NCALD: variants seen among roughly 807,000 people sequenced by gnomAD.
The protein encoded by NCALD is neurocalcin-delta.
A neutral mutation model predicts 18.6 loss-of-function variants in NCALD; 10 were observed. That is an observed-to-expected ratio of 0.54 (90% confidence interval 0.33 to 0.91). The LOEUF (loss-of-function observed/expected upper bound fraction) is 0.91. Ranked by LOEUF, NCALD falls within the 40% of genes least tolerant of loss-of-function variation. The pLI, the probability that NCALD is intolerant of heterozygous loss-of-function variation, is 0.03. For missense variants in NCALD, 184 were observed against 247.6 expected, an observed-to-expected ratio of 0.74 and a Z score of 1.72; for synonymous variants, 88 against 87.4, an observed-to-expected ratio of 1.01 and a Z score of -0.04.
intron 4 of NCALD, among the ~76,000 whole-genome samples, chr8:101,808,365 A>T (rs187520013): frequency 6.6e-6 from 1 of 152,166 alleles, no homozygotes; most frequent in Non-Finnish European, 1.5e-5. Flanking sequence ...AAACTTTACT[A>T]TAAGATTTAA....
intron 1 of NCALD, among the ~76,000 whole-genome samples, chr8:101,743,031 C>T (rs7812876): frequency 0.65 from 98,787 of 152,068 alleles, 33,773 homozygotes; most frequent in Non-Finnish European, 0.76. Context: ...TACAAGGATT[C>T]TAAATATATA....
At chr8:101,966,992 C>T (rs987636197) in intron 2 of NCALD, among the ~76,000 whole-genome samples, 6 of 152,084 alleles carry the variant, frequency 3.9e-5, no homozygotes, top group African/African-American at 1.2e-4. Context: ...ATTCATGATG[C>T]TAATTTTAGA....
Position 101,866,597 on chromosome 8 carries a change from T to C in NCALD, c.-20+20544A>G, listed in dbSNP as rs367920240. Among the ~76,000 whole-genome samples, 15 of 152,322 alleles carry C rather than the reference T, an allele frequency of 9.8e-5. No individual in the cohort carries two copies. The East Asian group carries it at 2.9e-3, about 29-fold the overall frequency. On this transcript the variant is annotated intron_variant, in intron 4 of 6. Coordinates refer to the NCALD transcript ENST00000311028. ...GTCATTCCTATTCTCATAACGGCAA[T>C]TCCATTCTGGTTGTTTAAACCAAAA...
At chr8:101,830,433 T>A (rs1166199699) in intron 4 of NCALD, among the ~76,000 whole-genome samples, 2 of 151,890 alleles carry the variant, frequency 1.3e-5, no homozygotes, top group Admixed American at 1.3e-4. Context: ...TAGTGGTGCA[T>A]GCCTGTCATC....
intron 4 of NCALD, among the ~76,000 whole-genome samples, chr8:101,873,657 C>G (rs1025344317): frequency 6.6e-6 from 1 of 152,026 alleles, no homozygotes; most frequent in African/African-American, 2.4e-5. Flanking sequence ...TGACAAAAGC[C>G]TGGGAAATGC....
chr8:101,720,852 T>G (rs1816319254), intron 1 of NCALD, among the ~76,000 whole-genome samples: 1 of 152,226 alleles, frequency 6.6e-6, no homozygotes, highest in Admixed American at 6.5e-5. Context: ...TACCAGTGTG[T>G]TTCTGGTTCT....
chr8:101,758,310 C>T (rs538272250), intron 1 of NCALD, among the ~76,000 whole-genome samples: 1 of 152,278 alleles, frequency 6.6e-6, no homozygotes, highest in South Asian at 2.1e-4. Context: ...CAGCTCTCCC[C>T]CTCCATAGGC....
At chr8:101,851,237 AG>A (rs1419621142) in intron 4 of NCALD, among the ~76,000 whole-genome samples, 1 of 152,134 alleles carries the variant, frequency 6.6e-6, no homozygotes, top group Non-Finnish European at 1.5e-5. Flanking sequence ...GAAGAAAGGG[AG>A]TGAGGGAGAA....
Position 101,797,637 on chromosome 8 carries a change from G to T in NCALD, c.-19-77989C>A, listed in dbSNP as rs914859437. The stretch of plus-strand genomic sequence containing the variant: ...TTGAGACCATCCTGGCCAACATGGT[G>T]AAACACTGTCTTTACTAAAAATACA... On this transcript the variant is annotated intron_variant, in intron 4 of 6. Coordinates refer to the NCALD transcript ENST00000311028. Among the ~76,000 whole-genome samples the T allele has an allele frequency of 2.0e-5, 3 of 152,112 alleles. No individual in the cohort carries two copies. In the South Asian group the frequency reaches 6.2e-4, roughly 32 times the overall value.
At chr8:101,720,596 A>G (rs934914517) in intron 1 of NCALD, among the ~76,000 whole-genome samples, 1 of 152,310 alleles carries the variant, frequency 6.6e-6, no homozygotes. Context: ...TAAACTTAAC[A>G]TGGTGTGGAA....
intron 1 of NCALD, among the ~76,000 whole-genome samples, chr8:102,123,491 G>T (rs1468699523): frequency 2.0e-5 from 3 of 149,134 alleles, no homozygotes; most frequent in African/African-American, 7.4e-5. Context: ...TGTATTTCCT[G>T]CGGACAGGGA....
intron 4 of NCALD, among the ~76,000 whole-genome samples, chr8:101,817,055 A>G (rs571921838): frequency 6.6e-6 from 1 of 152,188 alleles, no homozygotes; most frequent in Non-Finnish European, 1.5e-5. Context: ...AGCCCAGAAG[A>G]TGATATTTTC....
At chr8:102,043,212 C>T (rs771858163) in intron 1 of NCALD, among the ~76,000 whole-genome samples, 8 of 152,160 alleles carry the variant, frequency 5.3e-5, no homozygotes, top group Non-Finnish European at 1.2e-4. Context: ...TCATGCAGGG[C>T]TCATGTGTGT....
intron 4 of NCALD, among the ~76,000 whole-genome samples, chr8:101,851,856 T>C (rs951507754): frequency 4.6e-5 from 7 of 152,304 alleles, no homozygotes; most frequent in African/African-American, 1.4e-4. Context: ...TATGTTAAAC[T>C]CTAATTTCCA....
intron 1 of NCALD, among the ~76,000 whole-genome samples, chr8:102,039,492 T>C (rs891198250): frequency 3.9e-5 from 6 of 152,158 alleles, no homozygotes; most frequent in African/African-American, 1.2e-4. Flanking sequence ...TATTTAACTT[T>C]CATATACAAT....
chr8:101,835,602 C>T (rs1814379004), intron 4 of NCALD, among the ~76,000 whole-genome samples: 1 of 152,188 alleles, frequency 6.6e-6, no homozygotes, highest in African/African-American at 2.4e-5. Flanking sequence ...CTGAGGAATG[C>T]TGCATGGGAG....
At chr8:102,005,211 G>A (rs1167854759) in intron 2 of NCALD, among the ~76,000 whole-genome samples, 2 of 152,194 alleles carry the variant, frequency 1.3e-5, no homozygotes, top group Admixed American at 1.3e-4. Context: ...CAACAAGTGG[G>A]CGAAGGATAT....
intron 2 of NCALD, among the ~76,000 whole-genome samples, chr8:101,979,959 A>ATG (rs1314160253): frequency 6.6e-6 from 1 of 152,136 alleles, no homozygotes; most frequent in Non-Finnish European, 1.5e-5. Flanking sequence ...GAGGGGCCTC[A>ATG]TGAGCTCACT....
intron 4 of NCALD, among the ~76,000 whole-genome samples, chr8:101,834,297 G>T (rs544751433): frequency 2.6e-5 from 4 of 152,328 alleles, no homozygotes; most frequent in African/African-American, 9.6e-5. Context: ...CCCTGCTGGG[G>T]CTGGCCTCAC....
Sources: allele counts gnomAD v4.1 joint callset (sites outside exome capture counted in the v4.1 genomes callset), GRCh38; gene constraint gnomAD v4.1.1; transcripts MANE v1.5; gene names NCBI Gene and HGNC (gene_info 2026-07-23, HGNC 2026-07-21).